Variants in SLC39A10 observed in about 807,000 individuals in gnomAD.
SLC39A10 encodes zinc transporter ZIP10.
SLC39A10 carries 13 observed loss-of-function variants against 65.1 expected under a neutral mutation model. The observed-to-expected ratio is 0.20, with a 90% CI of 0.13 to 0.32. The LOEUF (loss-of-function observed/expected upper bound fraction) is 0.32. SLC39A10 is among the 10% of genes least tolerant of loss of function. The probability of loss-of-function intolerance (pLI) is 1.00; values close to 1 mark genes in which losing one functional copy is unlikely to be tolerated. For missense variants in SLC39A10, 831 were observed against 1,018.4 expected (o/e 0.82, Z 2.50); for synonymous variants, 321 against 342.2 (o/e 0.94, Z 0.68).
chr2:195,622,794 A>T (rs1332069444), intron 2 of SLC39A10, among the ~76,000 whole-genome samples: 1 of 152,092 alleles, frequency 6.6e-6, no homozygotes, highest in Non-Finnish European at 1.5e-5. Flanking sequence ...AAGATGGTGA[A>T]ACCCTGTCTC....
chr2:195,651,048 G>A (rs1482408714), intron 2 of SLC39A10, among the ~76,000 whole-genome samples: 1 of 151,884 alleles, frequency 6.6e-6, no homozygotes, highest in Non-Finnish European at 1.5e-5. Context: ...TCCAGCCTGG[G>A]AGACAGAATG....
chr2:195,639,231 C>T (rs1343583275), intron 2 of SLC39A10, among the ~76,000 whole-genome samples: 1 of 152,194 alleles, frequency 6.6e-6, no homozygotes, highest in Non-Finnish European at 1.5e-5. Context: ...GGATTACAAG[C>T]GTGAGCCACT....
At chr2:195,622,399 T>A (rs536823807) in intron 2 of SLC39A10, among the ~76,000 whole-genome samples, 1 of 151,994 alleles carries the variant, frequency 6.6e-6, no homozygotes, top group East Asian at 1.9e-4. Context: ...AGAGAGAAGA[T>A]GAAGAAAGAA....
chr2:195,637,025 G>A (rs1688709940), intron 2 of SLC39A10, among the ~76,000 whole-genome samples: 1 of 152,140 alleles, frequency 6.6e-6, no homozygotes, highest in African/African-American at 2.4e-5. Flanking sequence ...TCAACTAAAA[G>A]CAGGATATTA....
rs892278961 is a variant in SLC39A10, at chr2:195,700,503, T to C, written c.1217-6113T>C. On this transcript the variant is annotated intron_variant, in intron 3 of 9. Coordinates refer to ENST00000359634, the MANE Select transcript of SLC39A10 (RefSeq NM_020342.3). ...CAATAGCATACAAAAATTCTGCTCC[T>C]TTACAACTTCATCGCCACACCTTTC... is the stretch of plus-strand genomic sequence containing the variant. 5.3e-5 allele frequency among the ~76,000 whole-genome samples: 8 copies of C among 152,348 alleles called. No homozygotes were observed. In the South Asian group the frequency reaches 8.3e-4, roughly 16 times the overall value.
At chr2:195,646,405 A>T (rs1318800559) in intron 2 of SLC39A10, among the ~76,000 whole-genome samples, 1 of 152,080 alleles carries the variant, frequency 6.6e-6, no homozygotes, top group Non-Finnish European at 1.5e-5. Context: ...TTAATTTCCT[A>T]TTGCTGCTAT....
Position 195,657,286 on chromosome 2 carries a change from C to G in SLC39A10, c.-12+5C>G, listed in dbSNP as rs918777764. 6.5e-5 allele frequency: 43 copies of G among 665,308 alleles called. No homozygotes were observed. The highest frequency in any genetic ancestry group is 6.0e-4 in the South Asian group (9 of 15,006). 41.2% of individuals were successfully genotyped at this position (665,308 alleles called of 1,614,324 possible). ...CACACGGCACTCGAGTGTGAGGTAA[C>G]TATAAAACCCCGATTTGTTTACATT... On this transcript the variant is annotated splice_donor_5th_base_variant and intron_variant, in intron 1 of 9. Coordinates refer to ENST00000359634, the MANE Select transcript of SLC39A10 (RefSeq NM_020342.3).
intron 2 of SLC39A10, among the ~76,000 whole-genome samples, chr2:195,641,090 C>T (rs1688804128): frequency 1.3e-5 from 2 of 152,214 alleles, no homozygotes; most frequent in African/African-American, 4.8e-5. Flanking sequence ...GTATAGGAGA[C>T]ATCCTGGTGC....
intron 9 of SLC39A10, among the ~76,000 whole-genome samples, chr2:195,731,794 A>AT (rs1011060764): frequency 2.6e-5 from 4 of 152,224 alleles, no homozygotes; most frequent in African/African-American, 2.4e-5. Flanking sequence ...AATGGAGTTT[A>AT]TTAGAAGCAA....
intron 2 of SLC39A10, among the ~76,000 whole-genome samples, chr2:195,633,657 G>A (rs192621664): frequency 6.6e-5 from 10 of 152,280 alleles, no homozygotes; most frequent in East Asian, 1.9e-4. Flanking sequence ...GCCTCTCAGC[G>A]GGAAGAGGAG....
upstream of SLC39A10, among the ~76,000 whole-genome samples, chr2:195,655,893 C>T (rs1325540046): frequency 6.6e-6 from 1 of 152,012 alleles, no homozygotes; most frequent in African/African-American, 2.4e-5. Context: ...AAATAACCTT[C>T]TTTCATGAAG....
intron 1 of SLC39A10, among the ~76,000 whole-genome samples, chr2:195,669,689 C>T (rs1316543166): frequency 6.6e-6 from 1 of 152,080 alleles, no homozygotes; most frequent in African/African-American, 2.4e-5. Flanking sequence ...AAACTACAAT[C>T]CAAAGCCTAT....
chr2:195,696,418 C>G (rs1277077591), intron 3 of SLC39A10, among the ~76,000 whole-genome samples: 2 of 151,844 alleles, frequency 1.3e-5, no homozygotes, highest in Non-Finnish European at 2.9e-5. Flanking sequence ...GTACAGTCCA[C>G]CCTTAATATC....
rs1281009465 is a variant in SLC39A10 at position 195,735,069 on chromosome 2, G to A, written c.*28G>A. ...TTTCCCAGTAATCACTGTTGATTAC[G>A]AGAATGTTACCATGCAGCTTTGCAT... On this transcript the variant is annotated 3_prime_UTR_variant, in exon 10 of 10. Transcript: ENST00000359634. 6.3e-6 allele frequency: 10 copies of A among 1,596,464 alleles called. No homozygotes were observed. The highest frequency in any genetic ancestry group is 5.4e-5 in the African/African-American group (4 of 74,238).
At chr2:195,723,618 T>A (rs1422772333) in intron 8 of SLC39A10, among the ~76,000 whole-genome samples, 1 of 152,166 alleles carries the variant, frequency 6.6e-6, no homozygotes, top group African/African-American at 2.4e-5. Context: ...GATGCAGAAT[T>A]ATTCTTGTGG....
Position 195,728,011 on chromosome 2 carries a change from TTAATAAGTAAA to T in SLC39A10, c.2147-147_2147-137del, listed in dbSNP as rs1432831671. 2 of 724,710 alleles carry T rather than the reference TTAATAAGTAAA, an allele frequency of 2.8e-6. No individual in the cohort carries two copies. Among genetic ancestry groups the T allele is most frequent in the Admixed American group, 6.0e-5 (2 of 33,484 alleles). The allele number at this position is 724,710 out of a possible 1,614,324, so 44.9% of individuals were successfully genotyped here. ...TCCAAGTTTTTGCATGCATTATGGTTTAATAAGTAAAATATTTTATATATCACATAAAATAC... is the reference window on the plus strand; with the variant it reads ...TCCAAGTTTTTGCATGCATTATGGTTATATTTTATATATCACATAAAATAC... On this transcript the variant is annotated intron_variant, in intron 8 of 9. Coordinates refer to ENST00000359634, the MANE Select transcript of SLC39A10 (RefSeq NM_020342.3). This position sits in a 1 kb window ranked among gnomAD's most constrained non-coding sequence, Gnocchi z 4.4.
At chr2:195,661,100 A>G (rs1464914644) in intron 1 of SLC39A10, among the ~76,000 whole-genome samples, 2 of 152,188 alleles carry the variant, frequency 1.3e-5, no homozygotes, top group Non-Finnish European at 2.9e-5. Flanking sequence ...TTATAACACA[A>G]TATACCACTA....
chr2:195,721,709 T>G (rs1692048432), intron 8 of SLC39A10, among the ~76,000 whole-genome samples: 1 of 152,226 alleles, frequency 6.6e-6, no homozygotes, highest in South Asian at 2.1e-4. Flanking sequence ...ACATGTTGCC[T>G]CATATTTAAT....
intron 3 of SLC39A10, among the ~76,000 whole-genome samples, chr2:195,695,017 C>A (rs895682795): frequency 2.6e-5 from 4 of 152,230 alleles, no homozygotes; most frequent in African/African-American, 9.6e-5. Flanking sequence ...TCTCGCTTCG[C>A]AGGTAGGCAT....
Sources: allele counts gnomAD v4.1 joint callset (sites outside exome capture counted in the v4.1 genomes callset), GRCh38; gene constraint gnomAD v4.1.1; non-coding constraint Gnocchi (gnomAD v3.1); transcripts MANE v1.5; gene names NCBI Gene and HGNC (gene_info 2026-07-23, HGNC 2026-07-21).